Variants in PLCD3 observed in about 807,000 individuals in gnomAD.
PLCD3 encodes the protein 1-phosphatidylinositol 4,5-bisphosphate phosphodiesterase delta-3.
A neutral mutation model predicts 82.8 loss-of-function variants in PLCD3; 62 were observed. That is an observed-to-expected ratio of 0.75 (90% CI 0.61 to 0.93). The LOEUF is 0.93. Ranked by LOEUF, PLCD3 falls within the 40% of genes least tolerant of loss-of-function variation. PLCD3 has a pLI of 0.00. For synonymous variants in PLCD3, 478 were observed against 471.8 expected, an observed-to-expected ratio of 1.01 and a Z score of -0.17; for missense variants, 1,023 against 1,103.4, an observed-to-expected ratio of 0.93 and a Z score of 1.03.
intron 1 of PLCD3, among the ~76,000 whole-genome samples, chr17:45,125,043 T>A (rs1371344617): frequency 6.6e-6 from 1 of 151,296 alleles, no homozygotes; most frequent in Non-Finnish European, 1.5e-5. Flanking sequence ...ATAAAAAACA[T>A]TAGCTGGGCA....
rs1272130371 is a variant in PLCD3, at chr17:45,113,213, T to C, written c.2040A>G (p.Pro680=). The C allele has an allele frequency of 1.2e-6, 2 of 1,610,768 alleles. No individual in the cohort carries two copies. The highest frequency in any genetic ancestry group is 1.7e-6 in the Non-Finnish European group (2 of 1,178,628). Residue 680 remains proline (P), a synonymous_variant, in exon 13 of 15, where the codon CCA becomes CCG. Transcript: ENST00000619929. ...GCACCAGGGGGTCCACAATGGAGTG[T>C]GGCTTCTCGGCATTCAGCTTGGGCA... ...QQLPKLNAEK[P]HSIVDPLVRI...
At chr17:45,131,038 G>T (rs2054429530) in intron 1 of PLCD3, among the ~76,000 whole-genome samples, 1 of 152,192 alleles carries the variant, frequency 6.6e-6, no homozygotes, top group Non-Finnish European at 1.5e-5. Context: ...CTCCACAAGT[G>T]CTTGTACCAT....
chr17:45,131,250 T>C (rs1409943020), intron 1 of PLCD3, among the ~76,000 whole-genome samples: 1 of 152,172 alleles, frequency 6.6e-6, no homozygotes, highest in Non-Finnish European at 1.5e-5. Context: ...TGCCCCAAGT[T>C]CTACACGGGG....
rs1435652206 is a variant in PLCD3 at position 45,115,701 on chromosome 17, A to G, written c.1414-211T>C. 2.5e-5 allele frequency: 14 copies of G among 568,850 alleles called. No homozygotes were observed. The African/African-American group carries it at 2.6e-4, about 11-fold the overall frequency. The allele number at this position is 568,850 out of a possible 1,614,324, so 35.2% of individuals were successfully genotyped here. A position where few individuals can be genotyped will look rare whatever the true frequency, so the allele number is the denominator to read the frequency against. On this transcript the variant is annotated intron_variant, in intron 8 of 14. Transcript: ENST00000619929. ...GGGATGCTTAATAAGGTCCCTCAAC[A>G]TCAGAATATACACAGCAGCCACTAC...
chr17:45,121,004 T>TC lies in PLCD3; in HGVS notation c.451dup (p.Asp151GlyfsTer8). The TC allele has an allele frequency of 6.5e-7, 1 of 1,539,710 alleles. No individual in the cohort carries two copies. Among genetic ancestry groups the TC allele is most frequent in the Non-Finnish European group, 8.7e-7 (1 of 1,150,232 alleles). On this transcript the variant is annotated frameshift_variant, in exon 3 of 15. Coordinates refer to ENST00000619929, the MANE Select transcript of PLCD3 (RefSeq NM_133373.5). LOFTEE classifies it high-confidence loss of function. ...TTCCTCAGCCGTGGGCGCCGCCAGG[T>TC]CCAGGTTCTTGCGGCGGCCCTTGAA...
intron 7 of PLCD3, 61 bp from the exon 8 acceptor site, chr17:45,116,845 A>G: frequency 2.0e-6 from 3 of 1,491,504 alleles, no homozygotes; most frequent in Non-Finnish European, 2.7e-6. Context: ...ATCTCCCAAC[A>G]TCTGGCTCCC....
At chr17:45,131,873 G>A (rs1266073050) in intron 1 of PLCD3, among the ~76,000 whole-genome samples, 2 of 152,178 alleles carry the variant, frequency 1.3e-5, no homozygotes, top group East Asian at 1.9e-4. Flanking sequence ...CCTAAGGGCT[G>A]CCAAGACCCC....
intron 1 of PLCD3, among the ~76,000 whole-genome samples, chr17:45,121,695 A>G (rs1427278017): frequency 1.3e-5 from 2 of 152,186 alleles, no homozygotes; most frequent in Non-Finnish European, 2.9e-5. Context: ...GCCTCACTAA[A>G]GGTTGCCCTT....
At position 45,118,263 on chromosome 17, in the gene PLCD3, C is replaced by T. The variant is rs754373460; in HGVS notation, c.1115+28G>A. 2.4e-5 allele frequency: 39 copies of T among 1,613,116 alleles called. No individual in the cohort carries two copies. Among genetic ancestry groups the T allele is most frequent in the African/African-American group, 1.1e-4 (8 of 74,880 alleles). ...CATGTCTCTCCCCAGGTGGGGCTCCCGGAAACATTCACCCCCTGCTACAGT... is the reference window on the plus strand; with the variant it reads ...CATGTCTCTCCCCAGGTGGGGCTCCTGGAAACATTCACCCCCTGCTACAGT... On this transcript the variant is annotated intron_variant, in intron 6 of 14. Transcript: ENST00000619929. The surrounding 1 kb of genome is among the most constrained non-coding windows in gnomAD (Gnocchi z 4.1).
intron 4 of PLCD3, 54 bp from the exon 5 acceptor site, chr17:45,119,097 C>G: frequency 1.4e-6 from 2 of 1,399,484 alleles, no homozygotes; most frequent in Non-Finnish European, 2.0e-6. Context: ...GAAACCTGGC[C>G]CCTTTGACCC....
chr17:45,114,264 G>C lies in PLCD3; in HGVS notation c.1814C>G (p.Ser605Trp), dbSNP rs770985762. ...ANYSPQEMWNSGCQLVALNFQ... is the reference protein window; with the variant it reads ...ANYSPQEMWNWGCQLVALNFQ... ...CCCCCACTTACCCAGCTGACAGCCC[G>C]AGTTCCACATCTCCTGGGGACTGTA... Residue 605 changes from serine (S) to tryptophan (W), a missense_variant, in exon 11 of 15, where the codon TCG becomes TGG. Physicochemically the swap from Ser to Trp is radical, Grantham distance 177. Transcript: ENST00000619929. The C allele has an allele frequency of 9.5e-5, 146 of 1,537,744 alleles. No individual in the cohort carries two copies. The highest frequency in any genetic ancestry group is 5.3e-5 in the Non-Finnish European group (60 of 1,140,486).
At chr17:45,115,729 T>C (rs2054285057) in intron 8 of PLCD3, 2 of 525,062 alleles carry the variant, frequency 3.8e-6, no homozygotes, top group East Asian at 5.9e-5. Context: ...GCCACTACAA[T>C]GCACGCGACA....
rs1461192528 is a variant in PLCD3, at chr17:45,119,007, C to A, written c.721G>T (p.Ala241Ser). Residue 241 changes from alanine to serine, a missense_variant, in exon 5 of 15, where the codon GCT becomes TCT. Ala to Ser is a moderately conservative substitution (Grantham distance 99). This residue lies in a region of PLCD3 where 448 missense variants were observed against 406.3 expected (regional missense o/e 1.10). Coordinates refer to ENST00000619929, the MANE Select transcript of PLCD3 (RefSeq NM_133373.5). ...DHSNNDRLEGAEIEEFLRRLL... is the reference protein window; with the variant it reads ...DHSNNDRLEGSEIEEFLRRLL... ...CGCCGCAGGAACTCCTCGATCTCAG[C>A]CCCCTCTAGACGGTCGTTGTTGGAG... The A allele has an allele frequency of 6.2e-7, 1 of 1,611,802 alleles. No individual in the cohort carries two copies. Among genetic ancestry groups the A allele is most frequent in the Non-Finnish European group, 8.5e-7 (1 of 1,179,456 alleles).
chr17:45,122,502 T>C (rs531970665), intron 1 of PLCD3, among the ~76,000 whole-genome samples: 2 of 152,052 alleles, frequency 1.3e-5, no homozygotes, highest in East Asian at 1.9e-4. Context: ...CCTCTGACCT[T>C]TGGCCCTGCA....
chr17:45,121,169 G>C, intron 2 of PLCD3, 39 bp from the exon 3 acceptor site: 1 of 1,536,718 alleles, frequency 6.5e-7, no homozygotes, highest in Non-Finnish European at 8.7e-7. Context: ...GACCGGGCCT[G>C]TCCCCACCTC....
chr17:45,128,483 AG>A (rs1598037653), intron 1 of PLCD3, among the ~76,000 whole-genome samples: 1 of 152,212 alleles, frequency 6.6e-6, no homozygotes, highest in African/African-American at 2.4e-5. Flanking sequence ...GTTGTTCTGA[AG>A]ACCCTCACCT....
Position 45,116,653 on chromosome 17 carries a change from G to A in PLCD3, c.1392C>T (p.Pro464=), listed in dbSNP as rs781353907. ...LVTQALDSPN[P]EELPSPEQLK... The stretch of plus-strand genomic sequence containing the variant: ...TCACCTCTGGGGATGGCAGCTCCTC[G>A]GGATTTGGGGAGTCCAGCGCCTGTG... Residue 464 remains proline, a synonymous_variant, in exon 8 of 15, where the codon CCC becomes CCT. Coordinates refer to ENST00000619929, the MANE Select transcript of PLCD3 (RefSeq NM_133373.5). The A allele has an allele frequency of 1.4e-5, 22 of 1,599,912 alleles. No homozygotes were observed. The highest frequency in any genetic ancestry group is 1.7e-5 in the Admixed American group (1 of 58,790).
At chr17:45,116,008 T>G (rs998989216) in intron 8 of PLCD3, among the ~76,000 whole-genome samples, 2 of 152,198 alleles carry the variant, frequency 1.3e-5, no homozygotes, top group Non-Finnish European at 2.9e-5. Context: ...TCTTTTACCA[T>G]ACGGGTGTGA....
At chr17:45,120,791 C>T (rs2143571419) in intron 3 of PLCD3, 111 bp downstream of exon 3, 2 of 1,140,156 alleles carry the variant, frequency 1.8e-6, no homozygotes, top group Non-Finnish European at 2.2e-6. Flanking sequence ...ACCGTGCGCC[C>T]TCAGGACAGG....
Sources: allele counts gnomAD v4.1 joint callset (sites outside exome capture counted in the v4.1 genomes callset), GRCh38; gene constraint gnomAD v4.1.1; regional missense constraint gnomAD v4.1.1; non-coding constraint Gnocchi (gnomAD v3.1); transcripts MANE v1.5; gene names NCBI Gene and HGNC (gene_info 2026-07-23, HGNC 2026-07-21).